Variants in OXR1 observed in about 807,000 individuals in gnomAD.
OXR1 encodes oxidation resistance 1.
OXR1 carries 41 observed loss-of-function variants against 104.6 expected under a neutral mutation model. The ratio of observed to expected loss-of-function variants is 0.39; its 90% CI spans 0.31 to 0.51. The LOEUF is 0.51. Ranked by LOEUF, OXR1 falls within the 20% of genes least tolerant of loss-of-function variation. OXR1 has a pLI of 0.77. For missense variants in OXR1, 955 were observed against 1,031.9 expected, an observed-to-expected ratio of 0.93 and a Z score of 1.02; for synonymous variants, 348 against 348.4, an observed-to-expected ratio of 1.00 and a Z score of 0.01.
rs189457495 is a variant in OXR1, at chr8:106,559,798, G to T, written c.220+40659G>T. On this transcript the variant is annotated intron_variant, in intron 3 of 16. Transcript: ENST00000517566. The stretch of plus-strand genomic sequence containing the variant: ...TTATGGGGCGGAACCTCATGACCTA[G>T]TCAACTCCCAAATGTTCTACCTCTT... 2.6e-5 allele frequency among the ~76,000 whole-genome samples: 4 copies of T among 152,248 alleles called. No individual in the cohort carries two copies. The East Asian group carries it at 7.7e-4, about 29-fold the overall frequency.
At chr8:106,453,001 G>A (rs1246190157) in intron 2 of OXR1, among the ~76,000 whole-genome samples, 2 of 152,072 alleles carry the variant, frequency 1.3e-5, no homozygotes, top group Non-Finnish European at 2.9e-5. Flanking sequence ...TGCCCCAAAT[G>A]TGCTCTGCTC....
intron 1 of OXR1, among the ~76,000 whole-genome samples, chr8:106,322,482 C>A (rs952176516): frequency 3.3e-5 from 5 of 152,026 alleles, no homozygotes; most frequent in Non-Finnish European, 7.4e-5. Flanking sequence ...CCTTGAAAAT[C>A]AGCACAAGAC....
At chr8:106,308,505 G>A (rs959850856) in intron 1 of OXR1, among the ~76,000 whole-genome samples, 2 of 152,064 alleles carry the variant, frequency 1.3e-5, no homozygotes, top group African/African-American at 4.8e-5. Flanking sequence ...ACCTCTTTAG[G>A]TTAATATCCC....
intron 1 of OXR1, among the ~76,000 whole-genome samples, chr8:106,270,937 G>A (rs1158089612): frequency 6.6e-6 from 1 of 152,150 alleles, no homozygotes; most frequent in African/African-American, 2.4e-5. Context: ...TGGGGAATCA[G>A]TAAAAGGCTA....
rs1278861285 is a variant in OXR1 at position 106,544,904 on chromosome 8, T to C, written c.220+25765T>C. 4.6e-5 allele frequency among the ~76,000 whole-genome samples: 7 copies of C among 152,222 alleles called. No individual in the cohort carries two copies. In the South Asian group the frequency reaches 1.4e-3, roughly 32 times the overall value. On this transcript the variant is annotated intron_variant, in intron 3 of 16. Transcript: ENST00000517566. ...GGATTAGCTTATTAGAGTTTATTAC[T>C]GCAAAAGTGATTATCCAGAAACAAT...
At chr8:106,401,476 G>C (rs1817999089) in intron 2 of OXR1, among the ~76,000 whole-genome samples, 1 of 152,078 alleles carries the variant, frequency 6.6e-6, no homozygotes, top group Non-Finnish European at 1.5e-5. Flanking sequence ...TCACCTGTAG[G>C]GATCTGACAA....
At chr8:106,325,409 C>T (rs896271074) in intron 1 of OXR1, among the ~76,000 whole-genome samples, 3 of 152,148 alleles carry the variant, frequency 2.0e-5, no homozygotes, top group Admixed American at 6.5e-5. Context: ...TGGTTAAGGG[C>T]CCAAGAGCGC....
At chr8:106,615,553 A>G (rs949522573) in intron 3 of OXR1, among the ~76,000 whole-genome samples, 3 of 151,126 alleles carry the variant, frequency 2.0e-5, no homozygotes, top group Non-Finnish European at 4.4e-5. Context: ...AGTTGCAGTA[A>G]GCCGAGATCA....
chr8:106,616,574 C>T (rs940240290), intron 3 of OXR1, among the ~76,000 whole-genome samples: 4 of 152,128 alleles, frequency 2.6e-5, no homozygotes, highest in African/African-American at 9.7e-5. Context: ...CATTTTCCTG[C>T]AAAAGCTTAT....
At chr8:106,746,573 C>T (rs1358593192) in intron 16 of OXR1, among the ~76,000 whole-genome samples, 1 of 152,148 alleles carries the variant, frequency 6.6e-6, no homozygotes, top group Non-Finnish European at 1.5e-5. Context: ...TTGTATCCCA[C>T]AGTTGAGGAT....
At chr8:106,515,590 A>G (rs189574837) in intron 2 of OXR1, among the ~76,000 whole-genome samples, 157 of 152,188 alleles carry the variant, frequency 1.0e-3, no homozygotes, top group African/African-American at 3.1e-3. Context: ...AGGTTCATTC[A>G]TGTTGTAAAT....
intron 3 of OXR1, among the ~76,000 whole-genome samples, chr8:106,528,424 C>T (rs553907722): frequency 2.0e-5 from 3 of 152,138 alleles, no homozygotes; most frequent in Non-Finnish European, 4.4e-5. Flanking sequence ...CCAAACTTAA[C>T]GATGCACAGT....
chr8:106,366,892 A>G (rs1047152858), intron 2 of OXR1, among the ~76,000 whole-genome samples: 3 of 152,094 alleles, frequency 2.0e-5, no homozygotes, highest in African/African-American at 7.2e-5. Context: ...AAAAAAGAAT[A>G]GATACATTCT....
intron 2 of OXR1, among the ~76,000 whole-genome samples, chr8:106,362,240 G>A (rs1003896886): frequency 1.3e-5 from 2 of 152,156 alleles, no homozygotes; most frequent in Non-Finnish European, 2.9e-5. Context: ...GAACAGTGTA[G>A]TCTGCCTACT....
At chr8:106,536,585 T>G (rs1401090720) in intron 3 of OXR1, among the ~76,000 whole-genome samples, 1 of 152,238 alleles carries the variant, frequency 6.6e-6, no homozygotes, top group Non-Finnish European at 1.5e-5. Flanking sequence ...GGAAATAGCA[T>G]TTACATAGCA....
chr8:106,508,403 C>T (rs956782027), intron 2 of OXR1, among the ~76,000 whole-genome samples: 1 of 152,084 alleles, frequency 6.6e-6, no homozygotes, highest in African/African-American at 2.4e-5. Flanking sequence ...ATTGGGAGCA[C>T]TACATAGCTT....
intron 1 of OXR1, among the ~76,000 whole-genome samples, chr8:106,331,809 C>T (rs936169768): frequency 1.3e-5 from 2 of 151,840 alleles, no homozygotes; most frequent in African/African-American, 4.8e-5. Flanking sequence ...GGCATGGTGG[C>T]ATGCACCTGT....
chr8:106,444,779 C>T (rs1316889606), intron 2 of OXR1, among the ~76,000 whole-genome samples: 2 of 152,002 alleles, frequency 1.3e-5, no homozygotes, highest in Non-Finnish European at 2.9e-5. Flanking sequence ...CAAACCTGCA[C>T]GTTCTGCACA....
intron 3 of OXR1, among the ~76,000 whole-genome samples, chr8:106,566,594 A>G (rs1817092465): frequency 6.6e-6 from 1 of 152,230 alleles, no homozygotes. Context: ...TAGAAATACC[A>G]TTTGACCCAG....
Sources: gnomAD v4.1 joint callset for allele counts (sites outside exome capture counted in the v4.1 genomes callset) on GRCh38, gnomAD v4.1.1 for gene constraint, MANE v1.5 for transcripts, NCBI Gene and HGNC (gene_info 2026-07-23, HGNC 2026-07-21) for gene names.